The following NRXN3 variants were observed in gnomAD, a reference collection of about 807,000 sequenced individuals.
NRXN3 encodes the protein neurexin 3.
In NRXN3, 32 loss-of-function variants were observed where a neutral mutation model predicts 137.6. That is an observed-to-expected ratio of 0.23 (90% CI 0.18 to 0.31). The LOEUF (loss-of-function observed/expected upper bound fraction) is 0.31. Ranked by LOEUF, NRXN3 falls within the 10% of genes least tolerant of loss-of-function variation. The probability of loss-of-function intolerance (pLI) is 1.00; values close to 1 mark genes in which losing one functional copy is unlikely to be tolerated. For synonymous variants in NRXN3, 798 were observed against 784.5 expected (o/e 1.02, Z -0.29); for missense variants, 1,574 against 2,062.5 (o/e 0.76, Z 4.59).
intron 15 of NRXN3, among the ~76,000 whole-genome samples, chr14:79,242,055 A>G (rs745707146): frequency 3.3e-4 from 49 of 149,824 alleles, no homozygotes; most frequent in Admixed American, 1.4e-4. Context: ...TGACAGAGCC[A>G]GACTCCATCT....
At chr14:79,108,524 G>A (rs574939140) in intron 15 of NRXN3, among the ~76,000 whole-genome samples, 1 of 152,196 alleles carries the variant, frequency 6.6e-6, no homozygotes, top group South Asian at 2.1e-4. Flanking sequence ...AGCTATGAAG[G>A]GCACAGTTTC....
At chr14:78,248,937 T>A (rs986991317) in intron 2 of NRXN3, among the ~76,000 whole-genome samples, 3 of 152,206 alleles carry the variant, frequency 2.0e-5, no homozygotes, top group Middle Eastern at 3.2e-3. Context: ...GGGCTGTCAC[T>A]AAACGGAGCC....
At chr14:78,184,784 C>T (rs1302187627) in intron 1 of NRXN3, among the ~76,000 whole-genome samples, 1 of 152,170 alleles carries the variant, frequency 6.6e-6, no homozygotes, top group East Asian at 1.9e-4. Flanking sequence ...ACAGCAGAGC[C>T]GTGTCTGGAG....
intron 4 of NRXN3, among the ~76,000 whole-genome samples, chr14:78,329,524 A>G (rs1301039052): frequency 2.0e-5 from 3 of 152,106 alleles, no homozygotes; most frequent in Non-Finnish European, 2.9e-5. Context: ...GAAGGCTTCC[A>G]CTGCCTTTTG....
intron 15 of NRXN3, among the ~76,000 whole-genome samples, chr14:79,308,392 C>T (rs2086507129): frequency 2.0e-5 from 3 of 152,090 alleles, no homozygotes; most frequent in South Asian, 4.1e-4. Flanking sequence ...TTGCTCGTTA[C>T]ACTTGAAGGA....
intron 15 of NRXN3, among the ~76,000 whole-genome samples, chr14:79,079,735 A>T (rs764887482): frequency 5.4e-4 from 82 of 152,196 alleles, no homozygotes; most frequent in Non-Finnish European, 9.1e-4. Context: ...CACACTTGTA[A>T]TCCCAGCATT....
chr14:78,211,656 T>A (rs1033028262), intron 1 of NRXN3, among the ~76,000 whole-genome samples: 5 of 152,394 alleles, frequency 3.3e-5, no homozygotes, highest in African/African-American at 1.2e-4. Flanking sequence ...AGCAAGTTAC[T>A]GCTTAATGCA....
At chr14:79,327,534 C>T (rs1167106092) in intron 15 of NRXN3, among the ~76,000 whole-genome samples, 2 of 152,156 alleles carry the variant, frequency 1.3e-5, no homozygotes, top group Middle Eastern at 3.2e-3. Flanking sequence ...CCCACAAGCA[C>T]ACACATCCAT....
intron 15 of NRXN3, among the ~76,000 whole-genome samples, chr14:79,053,342 A>G (rs1595419898): frequency 6.6e-6 from 1 of 152,210 alleles, no homozygotes; most frequent in African/African-American, 2.4e-5. Context: ...ATGAAGGACT[A>G]GAGACTTTAG....
chr14:79,792,914 T>C (rs1381093083), intron 19 of NRXN3, among the ~76,000 whole-genome samples: 2 of 152,176 alleles, frequency 1.3e-5, no homozygotes, highest in African/African-American at 4.8e-5. Flanking sequence ...TATATGGTCA[T>C]CATTCTTTTT....
chr14:78,911,092 A>T (rs2152780839), intron 10 of NRXN3, among the ~76,000 whole-genome samples: 1 of 152,342 alleles, frequency 6.6e-6, no homozygotes, highest in East Asian at 1.9e-4. Context: ...AACATTATGC[A>T]TGCATTGAGT....
intron 15 of NRXN3, among the ~76,000 whole-genome samples, chr14:79,366,734 C>A (rs914304464): frequency 2.6e-5 from 4 of 152,098 alleles, no homozygotes; most frequent in Non-Finnish European, 5.9e-5. Flanking sequence ...GTTTTTATGT[C>A]ATTATTCTCA....
At chr14:78,453,160 T>A (rs762437542) in intron 4 of NRXN3, among the ~76,000 whole-genome samples, 9 of 152,210 alleles carry the variant, frequency 5.9e-5, no homozygotes, top group Non-Finnish European at 1.0e-4. Context: ...TGACCTCTCT[T>A]GTCATAATGG....
chr14:79,381,592 T>C (rs1281629919), intron 15 of NRXN3, among the ~76,000 whole-genome samples: 1 of 152,174 alleles, frequency 6.6e-6, no homozygotes, highest in Non-Finnish European at 1.5e-5. Flanking sequence ...TTTTCTTCTT[T>C]GTACCCAGGA....
intron 4 of NRXN3, among the ~76,000 whole-genome samples, chr14:78,629,472 C>T (rs1032943410): frequency 6.6e-6 from 1 of 152,174 alleles, no homozygotes; most frequent in African/African-American, 2.4e-5. Context: ...ATGAGCAGCA[C>T]TCGGGAATGC....
chr14:78,297,867 G>A lies in NRXN3; in HGVS notation c.757+7G>A. The A allele has an allele frequency of 6.5e-7, 1 of 1,536,364 alleles. No homozygotes were observed. Among genetic ancestry groups the A allele is most frequent in the Non-Finnish European group, 8.7e-7 (1 of 1,146,938 alleles). Reference sequence around the variant, plus strand: ...CTCATGATGAGTGAACAAGGTAGGTGCTTTGTGCTTGTGGTCCTGCAGCTG... The same window carrying A: ...CTCATGATGAGTGAACAAGGTAGGTACTTTGTGCTTGTGGTCCTGCAGCTG... On this transcript the variant is annotated splice_region_variant and intron_variant, in intron 4 of 20. Transcript: ENST00000335750.
chr14:79,328,871 A>G (rs764201289), intron 15 of NRXN3, among the ~76,000 whole-genome samples: 15 of 152,238 alleles, frequency 9.9e-5, no homozygotes, highest in Non-Finnish European at 1.9e-4. Context: ...CACATATTCA[A>G]CAAACACTCT....
intron 4 of NRXN3, among the ~76,000 whole-genome samples, chr14:78,497,169 A>C (rs138819329): frequency 1.3e-5 from 2 of 152,150 alleles, no homozygotes; most frequent in African/African-American, 4.8e-5. Context: ...GCACATTTTC[A>C]TGGAAAAATG....
At chr14:78,516,970 A>G (rs1476357312) in intron 4 of NRXN3, among the ~76,000 whole-genome samples, 1 of 152,174 alleles carries the variant, frequency 6.6e-6, no homozygotes, top group Non-Finnish European at 1.5e-5. Context: ...CTGAAAAAGA[A>G]GGGCATGAGA....
Sources: allele counts gnomAD v4.1 joint callset (sites outside exome capture counted in the v4.1 genomes callset), GRCh38; gene constraint gnomAD v4.1.1; transcripts MANE v1.5; gene names NCBI Gene and HGNC (gene_info 2026-07-23, HGNC 2026-07-21).